MAEL: variants seen among roughly 807,000 people sequenced by gnomAD.
MAEL encodes the protein maelstrom spermatogenic transposon silencer, also known as protein maelstrom homolog.
In MAEL, 46 loss-of-function variants were observed where a neutral mutation model predicts 62.0. The observed-to-expected ratio is 0.74, with a 90% CI of 0.59 to 0.95. The LOEUF (loss-of-function observed/expected upper bound fraction) is 0.95, where lower values mean the gene tolerates loss of function less well. Ranked by LOEUF, MAEL falls within the 40% of genes least tolerant of loss-of-function variation. The pLI, the probability that MAEL is intolerant of heterozygous loss-of-function variation, is 0.00. For synonymous variants in MAEL, 172 were observed against 175.5 expected, an observed-to-expected ratio of 0.98 and a Z score of 0.16; for missense variants, 497 against 526.8, an observed-to-expected ratio of 0.94 and a Z score of 0.55.
At chr1:166,978,293 A>C (rs1557966153) in intron 1 of MAEL, among the ~76,000 whole-genome samples, 1 of 152,188 alleles carries the variant, frequency 6.6e-6, no homozygotes, top group Non-Finnish European at 1.5e-5. Flanking sequence ...GGCCATCCTG[A>C]AGGGGATGCT....
chr1:167,018,837 G>A (rs1342935756), intron 10 of MAEL, among the ~76,000 whole-genome samples: 1 of 152,110 alleles, frequency 6.6e-6, no homozygotes, highest in Non-Finnish European at 1.5e-5. Flanking sequence ...GTGGTTCCCA[G>A]GAGTTAGGGG....
rs1444709360 is a variant in MAEL at position 166,983,015 on chromosome 1, TCTAA to T, written c.-120-6383_-120-6380del. Among the ~76,000 whole-genome samples the T allele has an allele frequency of 5.3e-5, 8 of 152,340 alleles. No homozygotes were observed. In the East Asian group the frequency reaches 1.5e-3, roughly 29 times the overall value. ...TAATAACCACCCTAAAATTGTACCC[TCTAA>T]CTGTTGCTATTCCCTTATCTTACAT... On this transcript the variant is annotated intron_variant, in intron 1 of 12. Transcript: ENST00000622874.
At chr1:167,020,300 C>A (rs1474394113) in intron 10 of MAEL, among the ~76,000 whole-genome samples, 1 of 152,088 alleles carries the variant, frequency 6.6e-6, no homozygotes. Context: ...ACTCCATTGG[C>A]CCTCTTTTTT....
At chr1:167,003,575 T>C (rs1326804851) in intron 5 of MAEL, among the ~76,000 whole-genome samples, 1 of 152,200 alleles carries the variant, frequency 6.6e-6, no homozygotes, top group Non-Finnish European at 1.5e-5. Flanking sequence ...TCATTCAGCT[T>C]CCTCTTCTGG....
intron 9 of MAEL, 92 bp from the exon 10 acceptor site, chr1:167,017,735 G>C: frequency 6.4e-6 from 8 of 1,246,254 alleles, no homozygotes; most frequent in Non-Finnish European, 8.8e-6. Context: ...CAGTACCTCA[G>C]ATGCTTTCTT....
chr1:167,020,316 A>G (rs1257511825), intron 10 of MAEL, among the ~76,000 whole-genome samples: 1 of 151,422 alleles, frequency 6.6e-6, no homozygotes, highest in Non-Finnish European at 1.5e-5. Context: ...TTTTTTCCTC[A>G]TACTTGACAG....
At chr1:166,984,738 A>G (rs1282943457), upstream of MAEL, among the ~76,000 whole-genome samples, 1 of 152,138 alleles carries the variant, frequency 6.6e-6, no homozygotes, top group Non-Finnish European at 1.5e-5. Flanking sequence ...TCTGTTCTGA[A>G]GAGACACCCA....
chr1:166,983,250 C>T (rs1663812944), intron 1 of MAEL, among the ~76,000 whole-genome samples: 1 of 152,062 alleles, frequency 6.6e-6, no homozygotes, highest in African/African-American at 2.4e-5. Context: ...TGGAATCACT[C>T]CCCTCTCTTG....
chr1:166,998,997 GT>G (rs1664547968), intron 5 of MAEL, among the ~76,000 whole-genome samples: 3 of 152,112 alleles, frequency 2.0e-5, no homozygotes, highest in African/African-American at 7.2e-5. Context: ...TGTTGTATGT[GT>G]TCTGACTGCT....
rs1468505774 is a variant in MAEL, at chr1:167,011,910, T to C, written c.846-4312T>C. 1.3e-5 allele frequency among the ~76,000 whole-genome samples: 2 copies of C among 152,212 alleles called. 1 individual carries two copies. On this transcript the variant is annotated intron_variant, in intron 8 of 11. Transcript: ENST00000367872. ...GTTGAGTTCAGCAGAGTAGCTATACTCTACAACAAGACTAGAGTAGCTCTA... is the reference window on the plus strand; with the variant it reads ...GTTGAGTTCAGCAGAGTAGCTATACCCTACAACAAGACTAGAGTAGCTCTA...
intron 1 of MAEL, among the ~76,000 whole-genome samples, chr1:166,982,437 G>A (rs1369135842): frequency 5.3e-5 from 8 of 152,100 alleles, no homozygotes; most frequent in African/African-American, 1.9e-4. Flanking sequence ...TAACCCTTGT[G>A]GAGTGTTTAG....
chr1:166,978,862 A>G lies in MAEL; in HGVS notation c.-121+3196A>G, dbSNP rs1001386509. The stretch of plus-strand genomic sequence containing the variant: ...GCAATACTTCAAACTTTCTACTGCA[A>G]TGAGACAAACATGTCACAACAATGA... On this transcript the variant is annotated intron_variant, in intron 1 of 12. Transcript: ENST00000622874. Among the ~76,000 whole-genome samples the G allele has an allele frequency of 3.4e-4, 52 of 152,216 alleles. 1 individual carries two copies. The highest frequency in any genetic ancestry group is 1.8e-3 in the Admixed American group (28 of 15,278).
intron 8 of MAEL, among the ~76,000 whole-genome samples, chr1:167,008,021 C>T (rs895585590): frequency 6.6e-6 from 1 of 151,706 alleles, no homozygotes; most frequent in African/African-American, 2.4e-5. Flanking sequence ...AAAGCATTTC[C>T]GTTTTGTAAA....
chr1:167,004,061 T>A, intron 5 of MAEL, 119 bp from the exon 6 acceptor site: 1 of 808,878 alleles, frequency 1.2e-6, no homozygotes, highest in Admixed American at 2.8e-5. Context: ...AAACGGGGCT[T>A]TGTACAAGTA....
chr1:166,985,381 C>T (rs1274262653), upstream of MAEL, among the ~76,000 whole-genome samples: 1 of 152,136 alleles, frequency 6.6e-6, no homozygotes, highest in African/African-American at 2.4e-5. Flanking sequence ...GAGCTGAATA[C>T]TGATCAGTGC....
chr1:166,993,841 A>C (rs1378704147), intron 4 of MAEL, among the ~76,000 whole-genome samples, 187 bp from the exon 5 acceptor site: 1 of 152,232 alleles, frequency 6.6e-6, no homozygotes, highest in Non-Finnish European at 1.5e-5. Context: ...CTTAGACAAT[A>C]TACCAAATTC....
At chr1:167,013,365 C>T (rs141466588) in intron 8 of MAEL, among the ~76,000 whole-genome samples, 2 of 152,262 alleles carry the variant, frequency 1.3e-5, no homozygotes, top group East Asian at 3.9e-4. Flanking sequence ...AAAATGTGGG[C>T]AGAGGCTTTT....
chr1:167,020,647 A>G (rs1223503587), intron 10 of MAEL, among the ~76,000 whole-genome samples: 1 of 151,946 alleles, frequency 6.6e-6, no homozygotes, highest in Non-Finnish European at 1.5e-5. Context: ...ACATATTCCT[A>G]CCACTCATCT....
chr1:166,989,769 A>C lies in MAEL; in HGVS notation c.165A>C (p.Ala55=). Residue 55 remains alanine (A), a synonymous_variant, in exon 2 of 12, where the codon GCA becomes GCC. Coordinates refer to ENST00000367872, the MANE Select transcript of MAEL (RefSeq NM_032858.3). Reference sequence around the variant, plus strand: ...GGGAGGAAGAAAAGGAGAAATACGCAGAAATGGCTCGAGAATGGAGGGCCG... The same window carrying C: ...GGGAGGAAGAAAAGGAGAAATACGCCGAAATGGCTCGAGAATGGAGGGCCG... ...LLREEEKEKY[A]EMAREWRAAQ... The C allele has an allele frequency of 6.2e-7, 1 of 1,614,084 alleles. No individual in the cohort carries two copies. Among genetic ancestry groups the C allele is most frequent in the Non-Finnish European group, 8.5e-7 (1 of 1,179,994 alleles).
Sources: gnomAD v4.1 joint callset for allele counts (sites outside exome capture counted in the v4.1 genomes callset) on GRCh38, gnomAD v4.1.1 for gene constraint, MANE v1.5 for transcripts, NCBI Gene and HGNC (gene_info 2026-07-23, HGNC 2026-07-21) for gene names.